Variants in CDH8 observed in about 807,000 individuals in gnomAD.
The protein encoded by CDH8 is cadherin 8.
CDH8 carries 17 observed loss-of-function variants against 68.1 expected under a neutral mutation model. That is an observed-to-expected ratio of 0.25 (90% CI 0.17 to 0.37). The LOEUF is 0.37. CDH8 is among the 10% of genes least tolerant of loss of function. The pLI is 1.00. For synonymous variants in CDH8, 372 were observed against 365.1 expected (o/e 1.02, Z -0.21); for missense variants, 763 against 999.3 (o/e 0.76, Z 3.19).
intron 4 of CDH8, among the ~76,000 whole-genome samples, chr16:61,825,416 T>A (rs935498681): frequency 6.6e-6 from 1 of 151,862 alleles, no homozygotes; most frequent in Non-Finnish European, 1.5e-5. Context: ...AAAAAGAACT[T>A]GCAAAAATAT....
chr16:61,812,837 C>T (rs1961982100), intron 7 of CDH8, among the ~76,000 whole-genome samples: 2 of 152,074 alleles, frequency 1.3e-5, no homozygotes, highest in African/African-American at 4.8e-5. Flanking sequence ...TGGATTTAAC[C>T]TCTCGTCCTG....
chr16:61,768,757 C>A (rs938333523), intron 8 of CDH8, among the ~76,000 whole-genome samples: 1 of 151,632 alleles, frequency 6.6e-6, no homozygotes, highest in African/African-American at 2.4e-5. Context: ...GAATAGCCAA[C>A]CAACGTTTTA....
intron 4 of CDH8, among the ~76,000 whole-genome samples, chr16:61,852,904 T>TCCTTCCTC (rs931840034): frequency 1.3e-5 from 2 of 149,022 alleles, no homozygotes; most frequent in Admixed American, 6.7e-5. Flanking sequence ...CATTCTTCCT[T>TCCTTCCTC]CCTTCCTTCC....
At chr16:61,845,445 A>G (rs1351937277) in intron 4 of CDH8, among the ~76,000 whole-genome samples, 2 of 151,650 alleles carry the variant, frequency 1.3e-5, no homozygotes, top group Non-Finnish European at 1.5e-5. Context: ...GCTGTGTCAC[A>G]TACAATAAAA....
intron 2 of CDH8, among the ~76,000 whole-genome samples, chr16:61,928,339 A>G (rs779451026): frequency 1.1e-4 from 17 of 152,190 alleles, no homozygotes; most frequent in Non-Finnish European, 1.6e-4. Context: ...AAGGAATTCT[A>G]TTACATAATG....
chr16:61,702,778 A>G (rs1964457989), intron 10 of CDH8, among the ~76,000 whole-genome samples: 1 of 152,250 alleles, frequency 6.6e-6, no homozygotes, highest in Admixed American at 6.5e-5. Context: ...CAAGGATTTA[A>G]GAGACAGTGT....
chr16:61,718,708 T>C (rs1282609589), intron 9 of CDH8, among the ~76,000 whole-genome samples: 1 of 151,372 alleles, frequency 6.6e-6, no homozygotes, highest in Non-Finnish European at 1.5e-5. Flanking sequence ...GAGCTTTATA[T>C]GGCTGTCATT....
chr16:61,833,473 T>C lies in CDH8; in HGVS notation c.668-8294A>G, dbSNP rs934640. Among the ~76,000 whole-genome samples, 3,361 of 151,974 alleles carry C rather than the reference T, an allele frequency of 0.022. 254 individuals carry two copies. The East Asian group carries it at 0.23, about 10-fold the overall frequency. On this transcript the variant is annotated intron_variant, in intron 4 of 11. Transcript: ENST00000577390. ...GGTTATGATAATCAGCAAATACTTA[T>C]GCTATTTTTAAAATTAGAAACAAAG...
At chr16:61,748,177 C>T (rs1960070104) in intron 8 of CDH8, among the ~76,000 whole-genome samples, 2 of 151,836 alleles carry the variant, frequency 1.3e-5, no homozygotes, top group Non-Finnish European at 2.9e-5. Context: ...TTGCAAACCA[C>T]TACCCTACTC....
chr16:62,031,644 C>G (rs189698506), intron 1 of CDH8, among the ~76,000 whole-genome samples: 197 of 149,054 alleles, frequency 1.3e-3, no homozygotes, highest in Non-Finnish European at 2.4e-3. Context: ...TATACTTCTA[C>G]CTACTAAGAG....
chr16:61,870,827 G>A (rs1963342426), intron 3 of CDH8, among the ~76,000 whole-genome samples: 4 of 151,946 alleles, frequency 2.6e-5, no homozygotes, highest in Admixed American at 2.6e-4. Context: ...ATTGTCAATT[G>A]CCTGTTTTAC....
At chr16:62,027,117 T>C (rs1902214975) in intron 1 of CDH8, among the ~76,000 whole-genome samples, 1 of 152,208 alleles carries the variant, frequency 6.6e-6, no homozygotes, top group South Asian at 2.1e-4. Context: ...ACTCAGATAG[T>C]GAGATGAAGA....
intron 1 of CDH8, among the ~76,000 whole-genome samples, chr16:62,029,073 C>T (rs912653667): frequency 2.6e-5 from 4 of 152,140 alleles, no homozygotes; most frequent in East Asian, 3.9e-4. Flanking sequence ...ACAGCTCTAT[C>T]GTTCATGAAA....
intron 4 of CDH8, among the ~76,000 whole-genome samples, chr16:61,840,355 T>A (rs1430600635): frequency 6.6e-6 from 1 of 152,168 alleles, no homozygotes; most frequent in Non-Finnish European, 1.5e-5. Flanking sequence ...ATAACCAATG[T>A]CTGTTGGCAC....
At chr16:61,845,739 C>T (rs1167711090) in intron 4 of CDH8, among the ~76,000 whole-genome samples, 2 of 152,022 alleles carry the variant, frequency 1.3e-5, no homozygotes, top group Non-Finnish European at 2.9e-5. Flanking sequence ...CCTTAAATCA[C>T]TTTTCTAGCT....
chr16:61,689,242 C>T (rs1443342892), intron 10 of CDH8, among the ~76,000 whole-genome samples: 1 of 151,902 alleles, frequency 6.6e-6, no homozygotes, highest in Non-Finnish European at 1.5e-5. Flanking sequence ...AAAATGATTC[C>T]AGTTTGAATT....
intron 9 of CDH8, among the ~76,000 whole-genome samples, chr16:61,720,702 C>T (rs1170862439): frequency 1.3e-5 from 2 of 150,704 alleles, no homozygotes; most frequent in Non-Finnish European, 3.0e-5. Flanking sequence ...AAGTATGGAT[C>T]TTTCTTTCAC....
chr16:61,768,311 C>T (rs200265955), intron 8 of CDH8, among the ~76,000 whole-genome samples: 844 of 15,996 alleles, frequency 0.053, 38 homozygotes, highest in Non-Finnish European at 0.056. Flanking sequence ...TGTGTCTCTC[C>T]CTTTCTCTCT....
chr16:61,855,774 T>G (rs1430003406), intron 4 of CDH8, among the ~76,000 whole-genome samples: 1 of 152,110 alleles, frequency 6.6e-6, no homozygotes, highest in Non-Finnish European at 1.5e-5. Flanking sequence ...AACCAGGGTG[T>G]GAGTCCCACC....
Sources: allele counts gnomAD v4.1 joint callset (sites outside exome capture counted in the v4.1 genomes callset), GRCh38; gene constraint gnomAD v4.1.1; transcripts MANE v1.5; gene names NCBI Gene and HGNC (gene_info 2026-07-23, HGNC 2026-07-21).